Variants in THSD7B observed in about 807,000 individuals in gnomAD.
The protein encoded by THSD7B is thrombospondin type-1 domain-containing protein 7B.
THSD7B carries 138 observed loss-of-function variants against 213.6 expected under a neutral mutation model. The observed-to-expected ratio is 0.65, with a 90% CI of 0.56 to 0.74. The LOEUF (loss-of-function observed/expected upper bound fraction) is 0.74. THSD7B is among the 30% of genes least tolerant of loss of function. THSD7B has a pLI of 0.00. For synonymous variants in THSD7B, 742 were observed against 687.0 expected, an observed-to-expected ratio of 1.08 and a Z score of -1.25; for missense variants, 1,931 against 1,991.5, an observed-to-expected ratio of 0.97 and a Z score of 0.58.
intron 3 of THSD7B, among the ~76,000 whole-genome samples, chr2:137,080,713 T>TTCC (rs1230152368): frequency 6.6e-6 from 1 of 152,140 alleles, no homozygotes; most frequent in Non-Finnish European, 1.5e-5. Context: ...CTTCTTCTTC[T>TTCC]TCCATGTTTT....
rs186269807 is a variant in THSD7B at position 137,097,654 on chromosome 2, T to A, written c.1199+2533T>A. Among the ~76,000 whole-genome samples, 7 of 152,176 alleles carry A rather than the reference T, an allele frequency of 4.6e-5. No homozygotes were observed. In the East Asian group the frequency reaches 1.2e-3, roughly 25 times the overall value. Reference sequence around the variant, plus strand: ...AATTCAGGATGTACCCAAGATGAGTTTCTGTATGGATCTTCATTTGATAGA... The same window carrying A: ...AATTCAGGATGTACCCAAGATGAGTATCTGTATGGATCTTCATTTGATAGA... On this transcript the variant is annotated intron_variant, in intron 4 of 27. Transcript: ENST00000409968.
intron 15 of THSD7B, among the ~76,000 whole-genome samples, chr2:137,461,727 G>A (rs551710209): frequency 3.9e-5 from 6 of 151,958 alleles, no homozygotes; most frequent in Non-Finnish European, 8.8e-5. Flanking sequence ...TTTTAAAAAC[G>A]TTTTATGACC....
At chr2:137,318,154 G>C (rs1255185088) in intron 12 of THSD7B, among the ~76,000 whole-genome samples, 1 of 152,094 alleles carries the variant, frequency 6.6e-6, no homozygotes, top group Non-Finnish European at 1.5e-5. Flanking sequence ...AAAAATACAA[G>C]GTTTTGATTT....
chr2:136,909,041 G>A (rs1047025439), intron 2 of THSD7B, among the ~76,000 whole-genome samples: 1 of 152,040 alleles, frequency 6.6e-6, no homozygotes, highest in African/African-American at 2.4e-5. Flanking sequence ...AAGTTAGTCA[G>A]GCATGATGGC....
intron 24 of THSD7B, 59 bp from the exon 25 acceptor site, chr2:137,659,604 CA>C (rs1343245338): frequency 8.1e-6 from 12 of 1,484,678 alleles, no homozygotes; most frequent in East Asian, 5.0e-5. Flanking sequence ...AAAAAAATAC[CA>C]AAAAATTAGA....
At chr2:137,094,709 C>T (rs1197652022) in intron 3 of THSD7B, among the ~76,000 whole-genome samples, 164 bp from the exon 4 acceptor site, 1 of 152,148 alleles carries the variant, frequency 6.6e-6, no homozygotes, top group Admixed American at 6.5e-5. Context: ...TCAAATGTTA[C>T]ACTCTTCAAT....
rs766594988 is a variant in THSD7B at position 137,275,927 on chromosome 2, A to G, written c.2401A>G (p.Lys801Glu). ...DVSLCPVYRW[K>E]PQKWSPCILV... Reference sequence around the variant, plus strand: ...CATCGTTTTTGGTAATCACAGGTGGAAGCCACAGAAATGGAGCCCTTGCAT... The same window carrying G: ...CATCGTTTTTGGTAATCACAGGTGGGAGCCACAGAAATGGAGCCCTTGCAT... Residue 801 changes from lysine (K) to glutamate (E), a missense_variant, in exon 12 of 28, where the codon AAG (lysine) becomes GAG (glutamate). By Grantham distance (56) the Lys-to-Glu change is moderately conservative. Coordinates refer to ENST00000409968, the MANE Select transcript of THSD7B (RefSeq NM_001316349.2). 1 of 1,610,740 alleles carries G rather than the reference A, an allele frequency of 6.2e-7. No homozygotes were observed. The highest frequency in any genetic ancestry group is 8.5e-7 in the Non-Finnish European group (1 of 1,178,200).
intron 2 of THSD7B, among the ~76,000 whole-genome samples, chr2:137,035,267 C>T (rs917455137): frequency 6.6e-6 from 1 of 152,154 alleles, no homozygotes; most frequent in Non-Finnish European, 1.5e-5. Context: ...TCTCATTTTA[C>T]TTGACTAGAA....
intron 2 of THSD7B, among the ~76,000 whole-genome samples, chr2:137,052,586 A>G (rs1344748): frequency 0.39 from 59,672 of 151,944 alleles, 14,069 homozygotes; most frequent in African/African-American, 0.66. Context: ...TTTGTATGTA[A>G]TAAATGTAAA....
intron 2 of THSD7B, among the ~76,000 whole-genome samples, chr2:136,973,725 G>A (rs2217415): frequency 6.6e-6 from 1 of 151,898 alleles, no homozygotes; most frequent in Non-Finnish European, 1.5e-5. Flanking sequence ...TCTTGCATTT[G>A]GTGTTTTGCA....
At chr2:137,565,092 T>A (rs1681207805) in intron 16 of THSD7B, among the ~76,000 whole-genome samples, 1 of 152,096 alleles carries the variant, frequency 6.6e-6, no homozygotes, top group Non-Finnish European at 1.5e-5. Flanking sequence ...GATGCCCATC[T>A]ATAAACCAAG....
chr2:136,931,281 C>T (rs961964540), intron 2 of THSD7B, among the ~76,000 whole-genome samples: 6 of 151,956 alleles, frequency 3.9e-5, no homozygotes, highest in African/African-American at 1.5e-4. Flanking sequence ...TTAGTACAGC[C>T]CTAGAATGCA....
intron 20 of THSD7B, among the ~76,000 whole-genome samples, chr2:137,622,472 G>C (rs1032764963): frequency 6.6e-6 from 1 of 152,074 alleles, no homozygotes; most frequent in Non-Finnish European, 1.5e-5. Context: ...AAATAACTAA[G>C]ATCAGAGCAG....
At chr2:136,785,013 T>G (rs2104909352) in intron 1 of THSD7B, among the ~76,000 whole-genome samples, 1 of 152,344 alleles carries the variant, frequency 6.6e-6, no homozygotes, top group Admixed American at 6.5e-5. Flanking sequence ...TATATTTTAA[T>G]CATTCAATTC....
chr2:137,634,544 C>G (rs1159186268), intron 20 of THSD7B, among the ~76,000 whole-genome samples: 1 of 152,276 alleles, frequency 6.6e-6, no homozygotes, highest in South Asian at 2.1e-4. Flanking sequence ...TACATATATA[C>G]TTTGCCTGGG....
In THSD7B at chr2:137,437,226, C is replaced by T. The variant is rs536631819; in HGVS notation, c.2960-13619C>T. ...TACTTCAAATGTACACAGCCATAGC[C>T]TTGGCAGCCCAAGCTCTGATTTGAC... On this transcript the variant is annotated intron_variant, in intron 14 of 27. Transcript: ENST00000409968. 6.2e-4 allele frequency among the ~76,000 whole-genome samples: 95 copies of T among 152,226 alleles called. 3 individuals carry two copies. In the South Asian group the frequency reaches 0.019, roughly 31 times the overall value.
intron 1 of THSD7B, among the ~76,000 whole-genome samples, chr2:136,796,218 G>A (rs1460365444): frequency 1.3e-5 from 2 of 151,750 alleles, no homozygotes; most frequent in Non-Finnish European, 2.9e-5. Context: ...ACACAAGACA[G>A]GAAATATTAT....
intron 5 of THSD7B, among the ~76,000 whole-genome samples, chr2:137,130,963 T>C (rs1335548636): frequency 6.6e-6 from 1 of 151,772 alleles, no homozygotes; most frequent in Admixed American, 6.6e-5. Flanking sequence ...CACTGACTTC[T>C]AAAATGGTTG....
At chr2:137,541,705 T>A (rs558649152) in intron 15 of THSD7B, among the ~76,000 whole-genome samples, 3 of 151,684 alleles carry the variant, frequency 2.0e-5, no homozygotes, top group Admixed American at 6.6e-5. Context: ...GAAAACCATA[T>A]CTAAAGAACT....
Sources: gnomAD v4.1 joint callset for allele counts (sites outside exome capture counted in the v4.1 genomes callset) on GRCh38, gnomAD v4.1.1 for gene constraint, MANE v1.5 for transcripts, NCBI Gene and HGNC (gene_info 2026-07-23, HGNC 2026-07-21) for gene names.